Variants in NLGN4X observed in about 807,000 individuals in gnomAD.
NLGN4X encodes neuroligin-4, X-linked.
NLGN4X carries 3 observed loss-of-function variants against 40.3 expected under a neutral mutation model. The ratio of observed to expected loss-of-function variants is 0.07; its 90% CI spans 0.03 to 0.19. The LOEUF is 0.19. Ranked by LOEUF, NLGN4X falls within the 10% of genes least tolerant of loss-of-function variation. The pLI is 1.00. For synonymous variants in NLGN4X, 270 were observed against 306.8 expected (o/e 0.88, Z 1.25); for missense variants, 382 against 708.3 (o/e 0.54, Z 5.23).
chrX:6,202,158 A>T (rs1923677146), intron 1 of NLGN4X, among the ~76,000 whole-genome samples: 1 of 110,142 alleles, frequency 9.1e-6, no homozygotes, highest in African/African-American at 3.3e-5. Context: ...TTGAGGGGTC[A>T]GCCCTTCCAG....
At chrX:5,998,768 T>C (rs1324888291) in intron 3 of NLGN4X, among the ~76,000 whole-genome samples, 2 of 112,585 alleles carry the variant, frequency 1.8e-5, no homozygotes, top group East Asian at 2.8e-4. Context: ...GCTTTGAAAA[T>C]GTGGCATTCT....
intron 2 of NLGN4X, among the ~76,000 whole-genome samples, chrX:6,065,480 A>AT (rs1188181886): frequency 9.0e-6 from 1 of 111,391 alleles, no homozygotes; most frequent in East Asian, 2.8e-4. Flanking sequence ...TTTAGGAAAT[A>AT]TAGCAAAAAG....
At chrX:6,025,412 G>C (rs1381991820) in intron 3 of NLGN4X, among the ~76,000 whole-genome samples, 2 of 111,710 alleles carry the variant, frequency 1.8e-5, no homozygotes, top group Admixed American at 1.9e-4. Context: ...GGTTCAGTCT[G>C]GATGCCAATA....
chrX:6,153,801 C>T (rs1471738786), intron 1 of NLGN4X, among the ~76,000 whole-genome samples: 2 of 111,981 alleles, frequency 1.8e-5, no homozygotes, highest in East Asian at 5.6e-4. Context: ...ACTGATCCAG[C>T]TGTATGATCA....
intron 3 of NLGN4X, among the ~76,000 whole-genome samples, chrX:6,019,285 G>A (rs1171942072): frequency 8.9e-6 from 1 of 111,912 alleles, no homozygotes; most frequent in East Asian, 2.8e-4. Context: ...AATTGCCTGT[G>A]CTATTACAGG....
At chrX:5,900,220 TGC>T (rs2031764844) in intron 5 of NLGN4X, among the ~76,000 whole-genome samples, 7 of 112,406 alleles carry the variant, frequency 6.2e-5, no homozygotes, top group Admixed American at 5.6e-4. Flanking sequence ...ATAGGGTAAC[TGC>T]AGATATGACT....
chrX:6,126,270 T>C (rs191462081), intron 2 of NLGN4X, among the ~76,000 whole-genome samples: 1 of 111,923 alleles, frequency 8.9e-6, no homozygotes, highest in Non-Finnish European at 1.9e-5. Flanking sequence ...GATGTTAGAC[T>C]CATTTCCTGT....
chrX:5,987,098 T>C, intron 3 of NLGN4X, among the ~76,000 whole-genome samples: 1 of 111,763 alleles, frequency 8.9e-6, no homozygotes, highest in Admixed American at 9.5e-5. Context: ...AAAATGGACA[T>C]AGGGACTGTG....
chrX:6,157,731 T>C lies in NLGN4X; in HGVS notation c.-305-5960A>G, dbSNP rs909876413. Among the ~76,000 whole-genome samples the C allele has an allele frequency of 3.1e-4, 34 of 111,107 alleles. 1 individual carries two copies. Among genetic ancestry groups the C allele is most frequent in the African/African-American group, 7.5e-4 (23 of 30,472 alleles). ...GGGGTATCTTTTAAAATGTCATTAA[T>C]ACCATTCTGGGGCATCCACCCTCAT... On this transcript the variant is annotated intron_variant, in intron 1 of 5. Coordinates refer to ENST00000381095, the MANE Select transcript of NLGN4X (RefSeq NM_181332.3).
At chrX:5,909,882 T>A (rs1278699530) in intron 3 of NLGN4X, among the ~76,000 whole-genome samples, 2 of 111,237 alleles carry the variant, frequency 1.8e-5, no homozygotes, top group Non-Finnish European at 3.8e-5. Context: ...CAAAAAAATG[T>A]AATTATTGAA....
chrX:5,925,106 GC>G (rs991780448), intron 3 of NLGN4X, among the ~76,000 whole-genome samples: 1 of 111,492 alleles, frequency 9.0e-6, no homozygotes, highest in Non-Finnish European at 1.9e-5. Context: ...TCTTCTCCTG[GC>G]CCCAAACTGC....
chrX:6,125,566 T>A (rs372323466), intron 2 of NLGN4X, among the ~76,000 whole-genome samples: 2 of 110,773 alleles, frequency 1.8e-5, no homozygotes, highest in South Asian at 3.8e-4. Flanking sequence ...TTTAATAGTA[T>A]AAGCCCTGGT....
At chrX:6,142,107 T>C (rs1342078278) in intron 2 of NLGN4X, among the ~76,000 whole-genome samples, 2 of 112,332 alleles carry the variant, frequency 1.8e-5, no homozygotes, top group African/African-American at 3.2e-5. Context: ...ATATTCTAGG[T>C]AATCTGTATT....
At chrX:6,076,746 G>A (rs1351001897) in intron 2 of NLGN4X, among the ~76,000 whole-genome samples, 1 of 112,103 alleles carries the variant, frequency 8.9e-6, no homozygotes, top group African/African-American at 3.2e-5. Context: ...ATGCTCAACC[G>A]CACTCATTAT....
chrX:6,118,701 T>C (rs1210558891), intron 2 of NLGN4X, among the ~76,000 whole-genome samples: 1 of 111,585 alleles, frequency 9.0e-6, no homozygotes, highest in African/African-American at 3.3e-5. Context: ...CTCAGGGTGA[T>C]CTGATAAAAA....
At position 6,000,425 on chromosome X, in the gene NLGN4X, A is replaced by C. The variant is rs180821389; in HGVS notation, c.625+28855T>G. Among the ~76,000 whole-genome samples, 163 of 111,699 alleles carry C rather than the reference A, an allele frequency of 1.5e-3. 1 individual carries two copies. The highest frequency in any genetic ancestry group is 2.5e-3 in the Non-Finnish European group (131 of 53,151). Reference sequence around the variant, plus strand: ...GGATTTGAGGCATGTTACTTAGTTTATTTAATTCTCAGTTACTCACAAAAG... The same window carrying C: ...GGATTTGAGGCATGTTACTTAGTTTCTTTAATTCTCAGTTACTCACAAAAG... On this transcript the variant is annotated intron_variant, in intron 3 of 5. Coordinates refer to ENST00000381095, the MANE Select transcript of NLGN4X (RefSeq NM_181332.3).
intron 3 of NLGN4X, among the ~76,000 whole-genome samples, chrX:5,960,410 A>G (rs892238640): frequency 2.7e-5 from 3 of 111,477 alleles, no homozygotes; most frequent in African/African-American, 9.8e-5. Context: ...TATATTATAC[A>G]TTTCCTTATT....
At chrX:6,039,499 C>T (rs2037103471) in intron 2 of NLGN4X, among the ~76,000 whole-genome samples, 1 of 111,985 alleles carries the variant, frequency 8.9e-6, no homozygotes, top group Non-Finnish European at 1.9e-5. Context: ...CTTTGTTATG[C>T]AGCAGTAGCT....
chrX:5,910,180 GACATACACTCTCCTACTCAGATTCAA>G (rs1286992196), intron 3 of NLGN4X, among the ~76,000 whole-genome samples: 4 of 111,639 alleles, frequency 3.6e-5, no homozygotes, highest in Non-Finnish European at 7.5e-5. Flanking sequence ...AGTTTGGGAA[GACATACACTCTCCTACTCAGATTCAA>G]AACTAGGAAT....
Sources: gnomAD v4.1 joint callset for allele counts (sites outside exome capture counted in the v4.1 genomes callset) on GRCh38, gnomAD v4.1.1 for gene constraint, MANE v1.5 for transcripts, NCBI Gene and HGNC (gene_info 2026-07-23, HGNC 2026-07-21) for gene names.